ASTN2: variants seen among roughly 807,000 people sequenced by gnomAD.
The protein encoded by ASTN2 is astrotactin 2, also known as astrotactin-2.
ASTN2 carries 54 observed loss-of-function variants against 139.8 expected under a neutral mutation model. The ratio of observed to expected loss-of-function variants is 0.39; its 90% confidence interval spans 0.31 to 0.48. The LOEUF (loss-of-function observed/expected upper bound fraction) is 0.48, where lower values mean the gene tolerates loss of function less well. Ranked by LOEUF, ASTN2 falls within the 20% of genes least tolerant of loss-of-function variation. The probability of loss-of-function intolerance (pLI) is 0.95; values close to 1 mark genes in which losing one functional copy is unlikely to be tolerated. For missense variants in ASTN2, 1,565 were observed against 1,725.1 expected (o/e 0.91, Z 1.64); for synonymous variants, 756 against 719.5 (o/e 1.05, Z -0.81).
At chr9:117,066,647 T>C (rs1355504998) in intron 5 of ASTN2, among the ~76,000 whole-genome samples, 1 of 151,920 alleles carries the variant, frequency 6.6e-6, no homozygotes, top group East Asian at 1.9e-4. Flanking sequence ...AGTATAAAAG[T>C]GTTCCTATTT....
intron 3 of ASTN2, among the ~76,000 whole-genome samples, chr9:117,156,153 T>C (rs1830428434): frequency 6.6e-6 from 1 of 152,070 alleles, no homozygotes. Flanking sequence ...TTAACATGTG[T>C]ATTGCTATAG....
chr9:116,554,015 A>G (rs1852477169), intron 19 of ASTN2, among the ~76,000 whole-genome samples: 1 of 152,238 alleles, frequency 6.6e-6, no homozygotes, highest in Non-Finnish European at 1.5e-5. Context: ...AGCTACCCAC[A>G]GTCAAAGTTC....
At chr9:117,119,425 C>T (rs1829485354) in intron 4 of ASTN2, among the ~76,000 whole-genome samples, 1 of 152,070 alleles carries the variant, frequency 6.6e-6, no homozygotes, top group South Asian at 2.1e-4. Context: ...CAAGGAGGCC[C>T]CTATCATGTG....
At chr9:117,056,196 C>T (rs553874707) in intron 5 of ASTN2, among the ~76,000 whole-genome samples, 13 of 152,338 alleles carry the variant, frequency 8.5e-5, no homozygotes, top group Admixed American at 7.8e-4. Flanking sequence ...TGTGCCTGAT[C>T]CCTGCCCCAC....
chr9:116,775,390 C>T, intron 13 of ASTN2, among the ~76,000 whole-genome samples: 1 of 149,596 alleles, frequency 6.7e-6, no homozygotes, highest in African/African-American at 2.5e-5. Context: ...TGACTTTATC[C>T]ACAAGAAAGG....
intron 10 of ASTN2, among the ~76,000 whole-genome samples, chr9:116,866,614 C>T (rs1376004946): frequency 6.6e-6 from 1 of 151,952 alleles, no homozygotes; most frequent in African/African-American, 2.4e-5. Context: ...GGAGATAAGG[C>T]AGAGGGACCA....
At chr9:117,266,744 C>G (rs992093135) in intron 2 of ASTN2, among the ~76,000 whole-genome samples, 2 of 152,146 alleles carry the variant, frequency 1.3e-5, no homozygotes, top group Non-Finnish European at 2.9e-5. Flanking sequence ...GGTAATAAAT[C>G]ACTGAAGACA....
At chr9:117,298,383 C>A (rs1275688376) in intron 1 of ASTN2, among the ~76,000 whole-genome samples, 1 of 152,160 alleles carries the variant, frequency 6.6e-6, no homozygotes, top group African/African-American at 2.4e-5. Context: ...TGGAGACCAA[C>A]TGCTTGAATT....
chr9:116,475,342 C>G (rs1468670430), intron 20 of ASTN2, among the ~76,000 whole-genome samples: 1 of 151,920 alleles, frequency 6.6e-6, no homozygotes, highest in African/African-American at 2.4e-5. Context: ...ATTGCCATCA[C>G]TGGCAAGTTC....
intron 11 of ASTN2, among the ~76,000 whole-genome samples, chr9:116,839,859 C>CATTATTATT (rs749979493): frequency 5.4e-4 from 68 of 125,932 alleles, no homozygotes; most frequent in Admixed American, 3.3e-3. Flanking sequence ...TATTTTATTT[C>CATTATTATT]ATTATTATTA....
At chr9:117,137,346 A>G (rs1232593705) in intron 4 of ASTN2, among the ~76,000 whole-genome samples, 2 of 152,010 alleles carry the variant, frequency 1.3e-5, no homozygotes, top group East Asian at 1.9e-4. Flanking sequence ...TGGCCCGGGG[A>G]TGAGGCCTAA....
intron 13 of ASTN2, among the ~76,000 whole-genome samples, chr9:116,763,387 C>T (rs2044060): frequency 0.012 from 1,888 of 152,236 alleles, 19 homozygotes; most frequent in Non-Finnish European, 0.02. Flanking sequence ...CACTCTGCCC[C>T]CTGAATGCAG....
chr9:116,653,004 T>C (rs1487909004), intron 16 of ASTN2, among the ~76,000 whole-genome samples: 1 of 152,234 alleles, frequency 6.6e-6, no homozygotes, highest in African/African-American at 2.4e-5. Flanking sequence ...CCAGCCCTTC[T>C]TTTCTGAATA....
rs762449714 is a variant in ASTN2 at position 116,863,688 on chromosome 9, C to T, written c.1935G>A (p.Leu645=). The change falls in exon 11 of 23, where the codon CTG becomes CTA. Residue 645 remains leucine, a synonymous_variant. Transcript: ENST00000313400. ...CACGAACTGGCCCGAAGGAAGACAG[C>T]AGGTCATTGATGGTTTCAAAGTATG... is the stretch of plus-strand genomic sequence containing the variant. The part of the protein sequence containing the change: ...LSTYFETIND[L]LSSFGPVRDC... The T allele has an allele frequency of 1.2e-6, 2 of 1,614,144 alleles. No individual in the cohort carries two copies. The highest frequency in any genetic ancestry group is 3.3e-5 in the Admixed American group (2 of 60,022).
At chr9:116,556,439 A>AAC (rs1436907996) in intron 19 of ASTN2, among the ~76,000 whole-genome samples, 2 of 152,174 alleles carry the variant, frequency 1.3e-5, no homozygotes, top group African/African-American at 4.8e-5. Context: ...CAGCCTGGGC[A>AAC]ACACAGCCAG....
At chr9:117,014,310 G>A (rs966743207) in intron 6 of ASTN2, among the ~76,000 whole-genome samples, 2 of 152,098 alleles carry the variant, frequency 1.3e-5, no homozygotes, top group African/African-American at 4.8e-5. Context: ...ACTATTTACG[G>A]GGTGGGTGAT....
At chr9:117,216,077 A>C (rs1271486530) in intron 2 of ASTN2, among the ~76,000 whole-genome samples, 5 of 152,216 alleles carry the variant, frequency 3.3e-5, no homozygotes, top group Non-Finnish European at 7.3e-5. Context: ...CATTGAAGGC[A>C]AGGACAAATT....
intron 1 of ASTN2, among the ~76,000 whole-genome samples, chr9:117,328,907 C>T (rs1252115315): frequency 1.3e-5 from 2 of 152,116 alleles, no homozygotes; most frequent in African/African-American, 2.4e-5. Context: ...GAGTGGATGC[C>T]CTGTGGAGGT....
intron 10 of ASTN2, among the ~76,000 whole-genome samples, chr9:116,906,273 G>T (rs1054702620): frequency 2.0e-5 from 3 of 152,172 alleles, no homozygotes; most frequent in African/African-American, 7.2e-5. Context: ...ACCAAATCCT[G>T]GGAAAGTGGC....
Sources: gnomAD v4.1 joint callset for allele counts (sites outside exome capture counted in the v4.1 genomes callset) on GRCh38, gnomAD v4.1.1 for gene constraint, MANE v1.5 for transcripts, NCBI Gene and HGNC (gene_info 2026-07-23, HGNC 2026-07-21) for gene names.